The following NENF variants were observed in gnomAD, a reference collection of about 807,000 sequenced individuals.
NENF encodes the protein neudesin neurotrophic factor.
Under a neutral mutation model 14.8 loss-of-function variants are expected in NENF, and 6 were observed. The ratio of observed to expected loss-of-function variants is 0.40; its 90% confidence interval spans 0.22 to 0.80. The LOEUF is 0.80. Ranked by LOEUF, NENF falls within the 30% of genes least tolerant of loss-of-function variation. The pLI is 0.34. For synonymous variants in NENF, 76 were observed against 95.1 expected, an observed-to-expected ratio of 0.80 and a Z score of 1.17; for missense variants, 184 against 212.7, an observed-to-expected ratio of 0.87 and a Z score of 0.84.
chr1:212,436,907 C>T (rs12058803), intron 1 of NENF, among the ~76,000 whole-genome samples: 5,305 of 132,266 alleles, frequency 0.04, 199 homozygotes, highest in East Asian at 0.14. Flanking sequence ...GGCAACATAA[C>T]AAGACCTCAC....
At chr1:212,441,789 A>G (rs527993251) in intron 1 of NENF, among the ~76,000 whole-genome samples, 2 of 152,300 alleles carry the variant, frequency 1.3e-5, no homozygotes, top group Non-Finnish European at 2.9e-5. Context: ...TCTGTCTCAA[A>G]AAAAAAGATG....
chr1:212,444,122 C>T (rs1433348021), intron 2 of NENF, among the ~76,000 whole-genome samples: 1 of 152,194 alleles, frequency 6.6e-6, no homozygotes, highest in Non-Finnish European at 1.5e-5. Context: ...CCTGCTCAGC[C>T]TGCATGTGTG....
rs375223689 is a variant in NENF, at chr1:212,433,257, G to T, written c.177+137G>T. 4.0e-5 allele frequency: 16 copies of T among 395,890 alleles called. No homozygotes were observed. Among genetic ancestry groups the T allele is most frequent in the East Asian group, 3.2e-4 (6 of 18,736 alleles). 24.5% of individuals were successfully genotyped at this position (395,890 alleles called of 1,614,324 possible). On this transcript the variant is annotated intron_variant, in intron 1 of 3. Transcript: ENST00000366988. The surrounding 1 kb of genome is among the most constrained non-coding windows in gnomAD (Gnocchi z 5.5). ...CCCGCGGCGGGCGCCCTGGGCCGGC[G>T]GGGGGCCTCCTCTCTCTAGGCCCCG...
chr1:212,437,263 G>A (rs111428107), intron 1 of NENF, among the ~76,000 whole-genome samples: 17 of 152,128 alleles, frequency 1.1e-4, no homozygotes, highest in African/African-American at 3.4e-4. Context: ...ATGAGTCTAC[G>A]TTAGTCTTTA....
At chr1:212,443,467 GCGACCTTCTC>G (rs1180964849) in intron 2 of NENF, among the ~76,000 whole-genome samples, 1 of 151,940 alleles carries the variant, frequency 6.6e-6, no homozygotes, top group Admixed American at 6.5e-5. Flanking sequence ...GTGCAGTGAT[GCGACCTTCTC>G]CAGCTGCCAG....
intron 1 of NENF, among the ~76,000 whole-genome samples, chr1:212,438,030 G>T (rs1468849535): frequency 6.6e-6 from 1 of 152,136 alleles, no homozygotes; most frequent in African/African-American, 2.4e-5. Flanking sequence ...TCTCCTTGGT[G>T]CTTCTTTAGA....
At chr1:212,441,006 T>G (rs995247060) in intron 1 of NENF, among the ~76,000 whole-genome samples, 3 of 152,166 alleles carry the variant, frequency 2.0e-5, no homozygotes, top group African/African-American at 7.2e-5. Flanking sequence ...GTCTTGGGAC[T>G]GTACCCATCG....
At chr1:212,444,045 G>A (rs938273573) in intron 2 of NENF, among the ~76,000 whole-genome samples, 2 of 150,626 alleles carry the variant, frequency 1.3e-5, no homozygotes, top group African/African-American at 5.0e-5. Flanking sequence ...GTGAGACCCT[G>A]TCAAAAAAAA....
rs536100635 is a variant in NENF at position 212,444,557 on chromosome 1, GTGTGTGTGTGTA to G, written c.342+117_342+128del. On this transcript the variant is annotated intron_variant, in intron 3 of 3. Transcript: ENST00000366988. Reference sequence around the variant, plus strand: ...TGTGTGTGTGTGTGTGTGTGTGTGTGTGTGTGTGTGTATCTGGGCAAGAGCAAGCCTTCCTAA... The same window carrying G: ...TGTGTGTGTGTGTGTGTGTGTGTGTGTCTGGGCAAGAGCAAGCCTTCCTAA... 3,207 of 460,522 alleles carry G rather than the reference GTGTGTGTGTGTA, an allele frequency of 7.0e-3. 46 individuals are homozygous for G. The highest frequency in any genetic ancestry group is 0.043 in the African/African-American group (1,640 of 37,716). 28.5% of individuals were successfully genotyped at this position (460,522 alleles called of 1,614,324 possible).
At chr1:212,436,455 G>T (rs984484389) in intron 1 of NENF, among the ~76,000 whole-genome samples, 1 of 151,786 alleles carries the variant, frequency 6.6e-6, no homozygotes, top group Non-Finnish European at 1.5e-5. Flanking sequence ...GATTACAGGC[G>T]CCCACCACCA....
chr1:212,442,682 G>A, intron 2 of NENF, 57 bp downstream of exon 2: 1 of 1,277,768 alleles, frequency 7.8e-7, no homozygotes, highest in Non-Finnish European at 1.1e-6. Context: ...GCCAGAGTGA[G>A]CAGCACTTGG....
rs1379377188 is a variant in NENF, at chr1:212,433,742, AC to A, written c.177+629del. Among the ~76,000 whole-genome samples, 2 of 148,120 alleles carry A rather than the reference AC, an allele frequency of 1.4e-5. No homozygotes were observed. Among genetic ancestry groups the A allele is most frequent in the African/African-American group, 5.0e-5 (2 of 40,026 alleles). On this transcript the variant is annotated intron_variant, in intron 1 of 3. Coordinates refer to ENST00000366988, the MANE Select transcript of NENF (RefSeq NM_013349.5). The surrounding 1 kb of genome is among the most constrained non-coding windows in gnomAD (Gnocchi z 5.5). Reference sequence around the variant, plus strand: ...ACCCCCCCGCCACACGTCAATAGAGACCCCCCCGCCCACACACACCCACACA... The same window carrying A: ...ACCCCCCCGCCACACGTCAATAGAGACCCCCCGCCCACACACACCCACACA...
At chr1:212,440,469 T>C (rs1662684318) in intron 1 of NENF, among the ~76,000 whole-genome samples, 1 of 152,162 alleles carries the variant, frequency 6.6e-6, no homozygotes, top group Non-Finnish European at 1.5e-5. Context: ...GTCTGCTGGC[T>C]TGGAAATCCA....
At position 212,444,357 on chromosome 1, in the gene NENF, C is replaced by G; in HGVS notation, c.257C>G (p.Ala86Gly). The change falls in exon 3 of 4, where the codon GCC (alanine) becomes GGC (glycine). Residue 86 changes from alanine (A) to glycine (G), a missense_variant. Physicochemically the swap from Ala to Gly is moderately conservative, Grantham distance 60 (BLOSUM62 0). Coordinates refer to ENST00000366988, the MANE Select transcript of NENF (RefSeq NM_013349.5). ...ACTACAGAGTTTTATGGACGAGGAG[C>G]CCCCTACAATGCCTTGACGGGGAAG... ...TSGKEFYGRG[A>G]PYNALTGKDS... is the part of the protein sequence containing the mutation. 2 of 1,602,646 alleles carry G rather than the reference C, an allele frequency of 1.2e-6. No homozygotes were observed. The highest frequency in any genetic ancestry group is 1.7e-4 in the Middle Eastern group (1 of 6,014).
intron 1 of NENF, among the ~76,000 whole-genome samples, chr1:212,438,763 C>T (rs1662648279): frequency 6.6e-6 from 1 of 151,920 alleles, no homozygotes; most frequent in Admixed American, 6.6e-5. Context: ...ATTACAGGCA[C>T]CTGCCACCAC....
intron 1 of NENF, among the ~76,000 whole-genome samples, chr1:212,435,899 G>A (rs980504794): frequency 4.6e-5 from 7 of 152,052 alleles, no homozygotes; most frequent in Non-Finnish European, 8.8e-5. Flanking sequence ...GAACATAGTC[G>A]ATTACCACGT....
chr1:212,444,612 C>T (rs1162584688), intron 3 of NENF, among the ~76,000 whole-genome samples, 170 bp downstream of exon 3: 3 of 149,634 alleles, frequency 2.0e-5, no homozygotes, highest in African/African-American at 7.4e-5. Context: ...ATTTACCCTT[C>T]GGTCCACTTG....
chr1:212,445,733 AG>A, intron 3 of NENF, 96 bp from the exon 4 acceptor site: 5 of 1,043,930 alleles, frequency 4.8e-6, no homozygotes, highest in Non-Finnish European at 6.6e-6. Context: ...CTCTTGCATT[AG>A]GGATGTGGGA....
chr1:212,436,852 C>G lies in NENF; in HGVS notation c.177+3732C>G, dbSNP rs866884769. Among the ~76,000 whole-genome samples, 24 of 147,892 alleles carry G rather than the reference C, an allele frequency of 1.6e-4. 1 individual carries two copies. In the South Asian group the frequency reaches 4.7e-3, roughly 29 times the overall value. On this transcript the variant is annotated intron_variant, in intron 1 of 3. Coordinates refer to ENST00000366988, the MANE Select transcript of NENF (RefSeq NM_013349.5). ...AATCCCAGCACTCACTTTGGGAGGTCGAGGCAGGAGGATTGCTTGAAGCCA... is the reference window on the plus strand; with the variant it reads ...AATCCCAGCACTCACTTTGGGAGGTGGAGGCAGGAGGATTGCTTGAAGCCA...
Sources: allele counts gnomAD v4.1 joint callset (sites outside exome capture counted in the v4.1 genomes callset), GRCh38; gene constraint gnomAD v4.1.1; non-coding constraint Gnocchi (gnomAD v3.1); transcripts MANE v1.5; gene names NCBI Gene and HGNC (gene_info 2026-07-23, HGNC 2026-07-21).